GRM3: variants seen among roughly 807,000 people sequenced by gnomAD.
GRM3 encodes metabotropic glutamate receptor 3.
A neutral mutation model predicts 70.5 loss-of-function variants in GRM3; 26 were observed. The observed-to-expected ratio is 0.37, with a 90% confidence interval of 0.27 to 0.51. GRM3 has a LOEUF of 0.51. GRM3 is among the 20% of genes least tolerant of loss of function. The pLI is 0.93. For missense variants in GRM3, 859 were observed against 1,123.8 expected (o/e 0.76, Z 3.37); for synonymous variants, 443 against 434.9 (o/e 1.02, Z -0.23).
At chr7:86,788,711 T>C (rs1341454462) in intron 3 of GRM3, among the ~76,000 whole-genome samples, 1 of 152,146 alleles carries the variant, frequency 6.6e-6, no homozygotes, top group Non-Finnish European at 1.5e-5. Context: ...AAATTAACTC[T>C]CAGGTATTCG....
chr7:86,701,974 G>A (rs1297579826), intron 1 of GRM3, among the ~76,000 whole-genome samples: 1 of 151,972 alleles, frequency 6.6e-6, no homozygotes, highest in Non-Finnish European at 1.5e-5. Context: ...CAAGCAGAGA[G>A]ATTCAGTGCT....
intron 1 of GRM3, among the ~76,000 whole-genome samples, chr7:86,757,158 T>C (rs137904951): frequency 1.8e-4 from 27 of 152,332 alleles, no homozygotes; most frequent in African/African-American, 6.3e-4. Flanking sequence ...ATTTCAGGTC[T>C]TATTTCAAAT....
At chr7:86,803,916 T>C (rs779354983) in intron 3 of GRM3, among the ~76,000 whole-genome samples, 2 of 152,210 alleles carry the variant, frequency 1.3e-5, no homozygotes, top group Non-Finnish European at 2.9e-5. Flanking sequence ...TTATCATTTT[T>C]AAATTGCTTT....
chr7:86,712,641 C>G (rs151030697), intron 1 of GRM3, among the ~76,000 whole-genome samples: 2,331 of 152,024 alleles, frequency 0.015, 73 homozygotes, highest in African/African-American at 0.053. Context: ...TGGCCTTACC[C>G]CTCTACTCTT....
intron 3 of GRM3, among the ~76,000 whole-genome samples, chr7:86,800,460 G>A (rs561246323): frequency 1.6e-4 from 25 of 152,066 alleles, no homozygotes; most frequent in South Asian, 6.2e-4. Context: ...AAGGGATATC[G>A]CCACTGATCC....
chr7:86,647,290 A>G (rs1169897256), intron 1 of GRM3, among the ~76,000 whole-genome samples: 1 of 152,196 alleles, frequency 6.6e-6, no homozygotes, highest in Non-Finnish European at 1.5e-5. Context: ...CATTCTTCTA[A>G]TAGTGATCAG....
At chr7:86,762,593 G>A (rs1796506249) in intron 1 of GRM3, among the ~76,000 whole-genome samples, 2 of 152,028 alleles carry the variant, frequency 1.3e-5, no homozygotes, top group African/African-American at 4.8e-5. Flanking sequence ...AATTCTCAAT[G>A]AGCACACAAG....
intron 1 of GRM3, among the ~76,000 whole-genome samples, chr7:86,645,681 A>G (rs895506808): frequency 6.6e-6 from 1 of 152,154 alleles, no homozygotes; most frequent in Non-Finnish European, 1.5e-5. Flanking sequence ...TAAATATATT[A>G]AGGAAGGATT....
intron 5 of GRM3, among the ~76,000 whole-genome samples, chr7:86,853,270 C>T (rs1026526516): frequency 1.3e-5 from 2 of 152,040 alleles, no homozygotes; most frequent in Admixed American, 6.6e-5. Flanking sequence ...TATATGTATA[C>T]CAGGTCCGGG....
At chr7:86,654,088 G>A (rs1328660945) in intron 1 of GRM3, among the ~76,000 whole-genome samples, 1 of 152,136 alleles carries the variant, frequency 6.6e-6, no homozygotes, top group Non-Finnish European at 1.5e-5. Flanking sequence ...CTTAGCTAAA[G>A]CCGGCAATCC....
chr7:86,771,065 T>C (rs1796726701), intron 2 of GRM3, among the ~76,000 whole-genome samples: 1 of 152,062 alleles, frequency 6.6e-6, no homozygotes, highest in Admixed American at 6.6e-5. Context: ...GAGCAAGGTA[T>C]ATTTAGAGCC....
chr7:86,734,944 C>T (rs898113191), intron 1 of GRM3, among the ~76,000 whole-genome samples: 2 of 152,114 alleles, frequency 1.3e-5, no homozygotes, highest in African/African-American at 2.4e-5. Flanking sequence ...GCTCTTTTCT[C>T]AAATTTAAAA....
chr7:86,723,437 C>A (rs1042964501), intron 1 of GRM3, among the ~76,000 whole-genome samples: 1 of 151,930 alleles, frequency 6.6e-6, no homozygotes, highest in Admixed American at 6.6e-5. Context: ...TTTAAATGGG[C>A]CTGATACTCA....
At chr7:86,808,727 A>G (rs566479123) in intron 3 of GRM3, among the ~76,000 whole-genome samples, 2 of 152,220 alleles carry the variant, frequency 1.3e-5, no homozygotes, top group South Asian at 2.1e-4. Context: ...AAATGAGCAG[A>G]GACCTGAAGA....
chr7:86,853,856 G>A (rs375201981), intron 5 of GRM3, among the ~76,000 whole-genome samples: 10 of 152,084 alleles, frequency 6.6e-5, no homozygotes, highest in East Asian at 1.9e-4. Context: ...TGAGGCTGAC[G>A]TTCTTTCATG....
At chr7:86,670,910 A>G (rs1794155004) in intron 1 of GRM3, among the ~76,000 whole-genome samples, 1 of 152,174 alleles carries the variant, frequency 6.6e-6, no homozygotes, top group Non-Finnish European at 1.5e-5. Flanking sequence ...GATGTTGTTT[A>G]TATTACGTCC....
intron 1 of GRM3, among the ~76,000 whole-genome samples, chr7:86,711,457 TA>T (rs1795198468): frequency 6.6e-6 from 1 of 152,126 alleles, no homozygotes; most frequent in South Asian, 2.1e-4. Flanking sequence ...TACCATTTTA[TA>T]TACTTTTCCA....
At position 86,656,777 on chromosome 7, in the gene GRM3, T is replaced by C. The variant is rs554758404; in HGVS notation, c.-141+11905T>C. On this transcript the variant is annotated intron_variant, in intron 1 of 5. Coordinates refer to ENST00000361669, the MANE Select transcript of GRM3 (RefSeq NM_000840.3). ...ATACAGCTTAAGTTTAAAAAATTAC[T>C]TTTTATAACCAAGAAAAATGTTTCT... Among the ~76,000 whole-genome samples the C allele has an allele frequency of 3.9e-5, 6 of 152,230 alleles. No individual in the cohort carries two copies. In the South Asian group the frequency reaches 1.2e-3, roughly 32 times the overall value.
intron 1 of GRM3, among the ~76,000 whole-genome samples, chr7:86,722,388 G>A (rs1795488187): frequency 2.0e-5 from 3 of 152,042 alleles, no homozygotes; most frequent in Admixed American, 6.6e-5. Flanking sequence ...TAAAGAAAAT[G>A]TGGTACATAT....
Sources: allele counts gnomAD v4.1 joint callset (sites outside exome capture counted in the v4.1 genomes callset), GRCh38; gene constraint gnomAD v4.1.1; transcripts MANE v1.5; gene names NCBI Gene and HGNC (gene_info 2026-07-23, HGNC 2026-07-21).